KCND3: variants seen among roughly 807,000 people sequenced by gnomAD.
KCND3 encodes the protein potassium voltage-gated channel subfamily D member 3.
A neutral mutation model predicts 51.1 loss-of-function variants in KCND3; 9 were observed. The ratio of observed to expected loss-of-function variants is 0.18; its 90% CI spans 0.11 to 0.31. The LOEUF (loss-of-function observed/expected upper bound fraction) is 0.31. KCND3 is among the 10% of genes least tolerant of loss of function. The pLI, the probability that KCND3 is intolerant of heterozygous loss-of-function variation, is 1.00. For synonymous variants in KCND3, 349 were observed against 368.0 expected (o/e 0.95, Z 0.59); for missense variants, 526 against 903.8 (o/e 0.58, Z 5.36).
intron 2 of KCND3, among the ~76,000 whole-genome samples, chr1:111,973,588 T>C (rs1231862122): frequency 6.6e-6 from 1 of 152,086 alleles, no homozygotes; most frequent in Non-Finnish European, 1.5e-5. Flanking sequence ...GATAGCTAGA[T>C]AATGTAGGGG....
intron 2 of KCND3, among the ~76,000 whole-genome samples, chr1:111,973,008 G>C (rs1212750851): frequency 6.6e-6 from 1 of 152,164 alleles, no homozygotes; most frequent in Non-Finnish European, 1.5e-5. Context: ...GTTAACTCTT[G>C]GTTATCCATG....
At chr1:111,986,311 A>C (rs1461117575) in intron 1 of KCND3, among the ~76,000 whole-genome samples, 1 of 152,210 alleles carries the variant, frequency 6.6e-6, no homozygotes, top group African/African-American at 2.4e-5. Context: ...AGGTAAGGAG[A>C]AGGAAGCTCA....
At chr1:111,963,621 A>G (rs145103272) in intron 2 of KCND3, among the ~76,000 whole-genome samples, 106 of 152,350 alleles carry the variant, frequency 7.0e-4, no homozygotes, top group Admixed American at 1.6e-3. Flanking sequence ...CCAATTGTCA[A>G]AGAGTTTTTA....
At chr1:111,972,934 G>A (rs532294852) in intron 2 of KCND3, among the ~76,000 whole-genome samples, 14 of 152,254 alleles carry the variant, frequency 9.2e-5, no homozygotes, top group Middle Eastern at 3.4e-3. Context: ...TTAAGTATGC[G>A]TGTCCAGGAA....
intron 2 of KCND3, among the ~76,000 whole-genome samples, chr1:111,886,689 A>C (rs1183924043): frequency 6.6e-6 from 1 of 152,236 alleles, no homozygotes; most frequent in Non-Finnish European, 1.5e-5. Context: ...CTTTCTCTGC[A>C]TTATTTCCCT....
intron 2 of KCND3, among the ~76,000 whole-genome samples, chr1:111,855,917 C>T (rs1225054575): frequency 6.6e-6 from 1 of 152,152 alleles, no homozygotes; most frequent in South Asian, 2.1e-4. Flanking sequence ...GAAACGGCCC[C>T]CTCAAGAGGA....
intron 2 of KCND3, among the ~76,000 whole-genome samples, chr1:111,956,385 G>A (rs769554404): frequency 1.2e-4 from 19 of 152,210 alleles, no homozygotes. Context: ...GGCAGCAGCT[G>A]ATTAATTTCC....
chr1:111,809,121 G>A (rs1665715028), intron 2 of KCND3, among the ~76,000 whole-genome samples: 1 of 152,228 alleles, frequency 6.6e-6, no homozygotes, highest in Admixed American at 6.5e-5. Context: ...GGGCTGTGTT[G>A]AGATGGAGGA....
chr1:111,770,926 A>G lies in KCND3; in HGVS notation c.*5151T>C, dbSNP rs1388721725. ...AGCCCATTTATTATACGAAAATAGA[A>G]AAGAACACACTTGATGTATCTCACG... On this transcript the variant is annotated 3_prime_UTR_variant, in exon 8 of 8. Transcript: ENST00000302127. The G allele has an allele frequency of 6.6e-6, 1 of 152,226 alleles. No individual in the cohort carries two copies. Among genetic ancestry groups the G allele is most frequent in the Non-Finnish European group, 1.5e-5 (1 of 68,032 alleles). The allele number at this position is 152,226 out of a possible 1,614,324, so 9.4% of individuals were successfully genotyped here. A position where few individuals can be genotyped will look rare whatever the true frequency, so the allele number is the denominator to read the frequency against.
intron 2 of KCND3, among the ~76,000 whole-genome samples, chr1:111,824,500 T>C (rs1666489184): frequency 6.6e-6 from 1 of 152,224 alleles, no homozygotes; most frequent in Non-Finnish European, 1.5e-5. Context: ...GCCTGAAGCC[T>C]GCTCCTACTT....
At position 111,980,463 on chromosome 1, in the gene KCND3, C is replaced by T. The variant is rs891091138; in HGVS notation, c.1106+1158G>A. ...AAGCATACGCAGCACTATGGAAAAA[C>T]CAACACTATTGCCTCTGGGTTTTGG... On this transcript the variant is annotated intron_variant, in intron 2 of 7. Transcript: ENST00000302127. Among the ~76,000 whole-genome samples the T allele has an allele frequency of 5.3e-5, 8 of 151,802 alleles. No homozygotes were observed. The East Asian group carries it at 1.5e-3, about 29-fold the overall frequency.
At chr1:111,911,449 CACA>C (rs1484886756) in intron 2 of KCND3, among the ~76,000 whole-genome samples, 1 of 152,172 alleles carries the variant, frequency 6.6e-6, no homozygotes, top group African/African-American at 2.4e-5. Context: ...TAAACCTAAA[CACA>C]ACAAGGGTGT....
intron 2 of KCND3, among the ~76,000 whole-genome samples, chr1:111,930,087 C>T (rs1364328849): frequency 6.6e-6 from 1 of 151,844 alleles, no homozygotes; most frequent in Non-Finnish European, 1.5e-5. Context: ...ATTAGGTAGG[C>T]AGATTTAGAA....
At chr1:111,781,081 A>G (rs963437077) in intron 3 of KCND3, among the ~76,000 whole-genome samples, 2 of 152,184 alleles carry the variant, frequency 1.3e-5, no homozygotes, top group Non-Finnish European at 2.9e-5. Context: ...TTATCTACTC[A>G]GTATTGCAAA....
intron 2 of KCND3, among the ~76,000 whole-genome samples, chr1:111,832,058 C>G (rs1220673386): frequency 1.3e-5 from 2 of 152,182 alleles, no homozygotes; most frequent in East Asian, 3.8e-4. Flanking sequence ...GCTGGAACAG[C>G]CTCTCTACTT....
In KCND3 at chr1:111,774,226, T is replaced by C. The variant is rs1452248048; in HGVS notation, c.*1851A>G. The C allele has an allele frequency of 6.6e-6, 1 of 152,300 alleles. No individual in the cohort carries two copies. The highest frequency in any genetic ancestry group is 2.4e-5 in the African/African-American group (1 of 41,454). The allele number at this position is 152,300 out of a possible 1,614,324, so 9.4% of individuals were successfully genotyped here. ...CCCACGAAGGGTGTTTTTAGGTTCC[T>C]GGCTAGTAAAACTCATTTAGATGGC... On this transcript the variant is annotated 3_prime_UTR_variant, in exon 8 of 8. Coordinates refer to ENST00000302127, the MANE Select transcript of KCND3 (RefSeq NM_001378969.1).
chr1:111,817,900 A>T (rs1666169143), intron 2 of KCND3, among the ~76,000 whole-genome samples: 1 of 152,208 alleles, frequency 6.6e-6, no homozygotes, highest in South Asian at 2.1e-4. Context: ...AAGAAGCTGT[A>T]ATTAGTTTGC....
chr1:111,775,827 A>ACCCC lies in KCND3; in HGVS notation c.*249_*250insGGGG. ...CCCCCGGCCTATCCCCGACCCCCCC[A>ACCCC]CCCTCCCTCCCTTCCTCTGGCCCCA... On this transcript the variant is annotated 3_prime_UTR_variant, in exon 8 of 8. Coordinates refer to ENST00000302127, the MANE Select transcript of KCND3 (RefSeq NM_001378969.1). The ACCCC allele has an allele frequency of 9.2e-5, 7 of 75,846 alleles. No individual in the cohort carries two copies. Among genetic ancestry groups the ACCCC allele is most frequent in the Non-Finnish European group, 1.5e-4 (6 of 40,984 alleles). 4.7% of individuals were successfully genotyped at this position (75,846 alleles called of 1,614,324 possible).
intron 2 of KCND3, among the ~76,000 whole-genome samples, chr1:111,809,630 G>A (rs1455542371): frequency 1.3e-5 from 2 of 151,724 alleles, no homozygotes; most frequent in East Asian, 1.9e-4. Flanking sequence ...TTCTAGACTT[G>A]GAAAAATTGT....
Sources: gnomAD v4.1 joint callset for allele counts (sites outside exome capture counted in the v4.1 genomes callset) on GRCh38, gnomAD v4.1.1 for gene constraint, MANE v1.5 for transcripts, NCBI Gene and HGNC (gene_info 2026-07-23, HGNC 2026-07-21) for gene names.